Variants in NXPE2 observed in about 807,000 individuals in gnomAD.
NXPE2 encodes neurexophilin and PC-esterase domain family member 2.
A neutral mutation model predicts 34.4 loss-of-function variants in NXPE2; 34 were observed. That is an observed-to-expected ratio of 0.99 (90% CI 0.75 to 1.31). The LOEUF (loss-of-function observed/expected upper bound fraction) is 1.31. Among genes scored for constraint, NXPE2 ranks in the 40% most tolerant of loss-of-function variants. The pLI is 0.00. For missense variants in NXPE2, 649 were observed against 672.5 expected (o/e 0.97, Z 0.39); for synonymous variants, 235 against 231.3 (o/e 1.02, Z -0.15).
the NXPE2 span, among the ~76,000 whole-genome samples, chr11:114,503,585 G>A: frequency 6.6e-6 from 1 of 151,714 alleles, no homozygotes; most frequent in Non-Finnish European, 1.5e-5. Flanking sequence ...GATATGTCAA[G>A]ATAATTTTGC....
chr11:114,598,961 C>T, the NXPE2 span, among the ~76,000 whole-genome samples: 1 of 152,190 alleles, frequency 6.6e-6, no homozygotes, highest in Non-Finnish European at 1.5e-5. Context: ...TTCCTGAATT[C>T]CTCCACTGAA....
At chr11:114,508,108 G>C in the NXPE2 span, among the ~76,000 whole-genome samples, 1 of 152,168 alleles carries the variant, frequency 6.6e-6, no homozygotes, top group East Asian at 1.9e-4. Flanking sequence ...CAACAGTCAA[G>C]CCAAGAGCCA....
the NXPE2 span, among the ~76,000 whole-genome samples, chr11:114,539,121 C>T: frequency 2.2e-3 from 330 of 152,286 alleles, no homozygotes; most frequent in African/African-American, 7.7e-3. Context: ...TAATGAGTTC[C>T]TGTCCTTTTT....
At chr11:114,811,400 A>C in the NXPE2 span, among the ~76,000 whole-genome samples, 19 of 152,226 alleles carry the variant, frequency 1.2e-4, no homozygotes, top group East Asian at 3.9e-4. Context: ...CACACACAAA[A>C]AAAAGGTAGG....
chr11:114,495,197 C>T, the NXPE2 span, among the ~76,000 whole-genome samples: 1 of 152,140 alleles, frequency 6.6e-6, no homozygotes, highest in African/African-American at 2.4e-5. Flanking sequence ...CACCCAAGGC[C>T]TGCAGTGACC....
At chr11:114,571,606 G>A in the NXPE2 span, 5 of 867,688 alleles carry the variant, frequency 5.8e-6, no homozygotes, top group African/African-American at 8.4e-5. Context: ...AGGTTTAGAT[G>A]AGGGGATGTT....
the NXPE2 span, among the ~76,000 whole-genome samples, chr11:114,789,241 C>A: frequency 6.6e-6 from 1 of 152,138 alleles, no homozygotes. Flanking sequence ...CTTGGTTTAG[C>A]CATTCCATTT....
At chr11:114,791,924 G>C in the NXPE2 span, among the ~76,000 whole-genome samples, 2 of 152,202 alleles carry the variant, frequency 1.3e-5, no homozygotes, top group Non-Finnish European at 2.9e-5. Context: ...CGGGCATGGT[G>C]GTGGGCGCCT....
chr11:114,579,795 C>G, the NXPE2 span, among the ~76,000 whole-genome samples: 6 of 152,272 alleles, frequency 3.9e-5, no homozygotes, highest in South Asian at 1.2e-3. Context: ...TAGAATCATA[C>G]CCTTAATCAT....
intron 3 of NXPE2, among the ~76,000 whole-genome samples, chr11:114,701,904 G>C (rs995487486): frequency 2.2e-4 from 34 of 152,250 alleles, no homozygotes; most frequent in Middle Eastern, 3.4e-3. Context: ...GGGTTCCGTG[G>C]GGCTGAATGC....
chr11:114,505,894 G>C, the NXPE2 span, among the ~76,000 whole-genome samples: 28 of 151,824 alleles, frequency 1.8e-4, no homozygotes, highest in African/African-American at 6.3e-4. Context: ...AATGTAAATG[G>C]GCTAAATGCC....
At chr11:114,740,446 C>T in the NXPE2 span, among the ~76,000 whole-genome samples, 9 of 152,030 alleles carry the variant, frequency 5.9e-5, no homozygotes, top group Non-Finnish European at 1.3e-4. Flanking sequence ...GCAAGTTCTT[C>T]GACATACTGT....
intron 2 of NXPE2, among the ~76,000 whole-genome samples, chr11:114,683,190 C>T (rs1950978513): frequency 2.0e-5 from 3 of 152,014 alleles, no homozygotes; most frequent in Non-Finnish European, 4.4e-5. Context: ...TTGTCACTTA[C>T]ACAGGCTGTT....
At chr11:114,561,428 T>C in the NXPE2 span, among the ~76,000 whole-genome samples, 8 of 152,202 alleles carry the variant, frequency 5.3e-5, no homozygotes, top group Admixed American at 5.2e-4. Context: ...TAGGCAATAT[T>C]GTTTGTTACC....
chr11:114,685,781 G>A (rs1951034426), intron 2 of NXPE2, among the ~76,000 whole-genome samples: 1 of 151,934 alleles, frequency 6.6e-6, no homozygotes, highest in African/African-American at 2.4e-5. Flanking sequence ...TAATTTTAAG[G>A]GTCTAGCACA....
At chr11:114,577,044 G>GTT in the NXPE2 span, among the ~76,000 whole-genome samples, 2 of 25,740 alleles carry the variant, frequency 7.8e-5, no homozygotes, top group Non-Finnish European at 1.4e-4. Flanking sequence ...TATATATAAA[G>GTT]TTATATATAT....
At chr11:114,483,343 G>A in the NXPE2 span, among the ~76,000 whole-genome samples, 1 of 152,162 alleles carries the variant, frequency 6.6e-6, no homozygotes, top group Non-Finnish European at 1.5e-5. Context: ...TAGAGTGAGA[G>A]GATTCTGGCG....
chr11:114,503,335 C>T, the NXPE2 span, among the ~76,000 whole-genome samples: 41 of 151,868 alleles, frequency 2.7e-4, no homozygotes, highest in East Asian at 5.0e-3. Context: ...AAAGAGAAAC[C>T]GAATAGTCAC....
At chr11:114,594,440 A>G in the NXPE2 span, among the ~76,000 whole-genome samples, 2 of 152,314 alleles carry the variant, frequency 1.3e-5, no homozygotes, top group South Asian at 4.1e-4. Flanking sequence ...GATAGGTGCA[A>G]TGCATTTATT....
Sources: allele counts gnomAD v4.1 joint callset (sites outside exome capture counted in the v4.1 genomes callset), GRCh38; gene constraint gnomAD v4.1.1; transcripts MANE v1.5; gene names NCBI Gene and HGNC (gene_info 2026-07-23, HGNC 2026-07-21).